The following BMPER variants were observed in gnomAD, a reference collection of about 807,000 sequenced individuals.
BMPER encodes the protein BMP binding endothelial regulator, also known as BMP-binding endothelial regulator protein.
Under a neutral mutation model 87.3 loss-of-function variants are expected in BMPER, and 45 were observed. The observed-to-expected ratio is 0.52, with a 90% CI of 0.41 to 0.66. BMPER has a LOEUF of 0.66. Ranked by LOEUF, BMPER falls within the 30% of genes least tolerant of loss-of-function variation. BMPER has a pLI of 0.00. For synonymous variants in BMPER, 326 were observed against 316.2 expected (o/e 1.03, Z -0.33); for missense variants, 784 against 867.5 (o/e 0.90, Z 1.21).
At chr7:33,969,310 A>C (rs1046864449) in intron 4 of BMPER, among the ~76,000 whole-genome samples, 12 of 152,258 alleles carry the variant, frequency 7.9e-5, no homozygotes, top group Non-Finnish European at 2.9e-5. Flanking sequence ...TTCAAAGGCC[A>C]ACTGTGAAAA....
intron 6 of BMPER, among the ~76,000 whole-genome samples, chr7:34,026,593 C>T (rs1157216352): frequency 2.6e-5 from 4 of 152,052 alleles, no homozygotes; most frequent in Admixed American, 2.6e-4. Flanking sequence ...GCGGGCTTCT[C>T]AGGGCCATCA....
Position 34,154,264 on chromosome 7 carries a change from T to C in BMPER, c.*991T>C, listed in dbSNP as rs969938751. On this transcript the variant is annotated 3_prime_UTR_variant, in exon 15 of 15. Transcript: ENST00000649409. ...CTATTTGGCGACTGTTAATATGTTA[T>C]AATTATTAGACAGTGGAAAAGCCTT... The C allele has an allele frequency of 2.6e-5, 4 of 152,502 alleles. No individual in the cohort carries two copies. Among genetic ancestry groups the C allele is most frequent in the Admixed American group, 6.5e-5 (1 of 15,304 alleles). 9.4% of individuals were successfully genotyped at this position (152,502 alleles called of 1,614,324 possible). A position where few individuals can be genotyped will look rare whatever the true frequency, so the allele number is the denominator to read the frequency against.
chr7:34,024,398 TATATATATATATATATATATATATATA>T (rs1787298899), intron 6 of BMPER, among the ~76,000 whole-genome samples: 1 of 14,270 alleles, frequency 7.0e-5, no homozygotes, highest in African/African-American at 3.3e-4. Context: ...TATATATATA[TATATATATATATATATATATATATATA>T]TATATATATG....
chr7:34,073,957 G>T (rs544913057), intron 11 of BMPER, among the ~76,000 whole-genome samples: 15 of 152,228 alleles, frequency 9.9e-5, no homozygotes, highest in Non-Finnish European at 1.6e-4. Context: ...CCCAGGTGAG[G>T]GGGGCCAGCA....
At chr7:33,997,616 C>T (rs1375532658) in intron 6 of BMPER, among the ~76,000 whole-genome samples, 2 of 152,190 alleles carry the variant, frequency 1.3e-5, no homozygotes, top group African/African-American at 4.8e-5. Flanking sequence ...CCTCTTTCCT[C>T]TATAAATTAC....
chr7:34,118,790 C>A (rs944057602), intron 13 of BMPER, among the ~76,000 whole-genome samples: 2 of 152,112 alleles, frequency 1.3e-5, no homozygotes, highest in African/African-American at 4.8e-5. Flanking sequence ...GGATAGGCCT[C>A]ATCCAATTGG....
chr7:34,021,864 T>C (rs1238080937), intron 6 of BMPER, among the ~76,000 whole-genome samples: 2 of 152,030 alleles, frequency 1.3e-5, no homozygotes, highest in African/African-American at 2.4e-5. Context: ...GAGTGCAACA[T>C]GATGCAAAAT....
At chr7:34,128,284 A>G (rs899695495) in intron 13 of BMPER, among the ~76,000 whole-genome samples, 1 of 152,056 alleles carries the variant, frequency 6.6e-6, no homozygotes, top group African/African-American at 2.4e-5. Context: ...CTCACTTCCT[A>G]TCCTCCATGC....
chr7:34,000,281 A>G (rs1020328753), intron 6 of BMPER, among the ~76,000 whole-genome samples: 1 of 152,134 alleles, frequency 6.6e-6, no homozygotes, highest in African/African-American at 2.4e-5. Context: ...TATTCATTCA[A>G]TGTTATAAAA....
intron 11 of BMPER, among the ~76,000 whole-genome samples, chr7:34,067,835 A>G (rs1249944043): frequency 6.6e-6 from 1 of 152,234 alleles, no homozygotes; most frequent in African/African-American, 2.4e-5. Context: ...TCTGTTTTAT[A>G]TGCTGTTCTG....
intron 6 of BMPER, among the ~76,000 whole-genome samples, chr7:34,038,558 A>G (rs1214910697): frequency 6.6e-6 from 1 of 152,182 alleles, no homozygotes; most frequent in Admixed American, 6.6e-5. Context: ...ATAAAATAAT[A>G]TAAACAATAA....
Position 34,062,002 on chromosome 7 carries a change from G to A in BMPER, c.1033G>A (p.Gly345Ser), listed in dbSNP as rs1788449953. ...TTGTATTTGTTTTTCTTCTGATTAG[G>A]GCAAAATTCTCAACAGAAAAGGATG... ...QCIPISSCPQ[G>S]KILNRKGCCP... Residue 345 changes from glycine to serine, a missense_variant and splice_region_variant, in exon 11 of 15, where the codon GGC (glycine) becomes AGC (serine). Gly to Ser is a moderately conservative substitution (Grantham distance 56, BLOSUM62 0). Transcript: ENST00000649409. 2 of 1,602,442 alleles carry A rather than the reference G, an allele frequency of 1.2e-6. No individual in the cohort carries two copies. The highest frequency in any genetic ancestry group is 1.4e-5 in the African/African-American group (1 of 73,962).
intron 6 of BMPER, among the ~76,000 whole-genome samples, chr7:34,004,754 G>A (rs1786681272): frequency 6.6e-6 from 1 of 152,120 alleles, no homozygotes; most frequent in Admixed American, 6.6e-5. Flanking sequence ...CTTTGCCAAA[G>A]GGCTCTGTAT....
chr7:33,915,110 C>T (rs942812245), intron 2 of BMPER, among the ~76,000 whole-genome samples: 3 of 152,132 alleles, frequency 2.0e-5, no homozygotes, highest in Non-Finnish European at 4.4e-5. Context: ...ATTTTCCAAA[C>T]TTTGACTTTA....
intron 13 of BMPER, among the ~76,000 whole-genome samples, chr7:34,140,242 C>T (rs1275910061): frequency 6.6e-6 from 1 of 152,226 alleles, no homozygotes; most frequent in African/African-American, 2.4e-5. Flanking sequence ...CTGAAAAACA[C>T]TCTGTGTAAA....
At chr7:34,088,909 G>A (rs924739122) in intron 13 of BMPER, among the ~76,000 whole-genome samples, 23 of 152,100 alleles carry the variant, frequency 1.5e-4, no homozygotes, top group Non-Finnish European at 2.6e-4. Flanking sequence ...TCTCTTTTGC[G>A]ACACTTCCTC....
Position 33,905,565 on chromosome 7 carries a change from A to C in BMPER, c.-49A>C. On this transcript the variant is annotated 5_prime_UTR_variant, in exon 1 of 15. Coordinates refer to ENST00000649409, the MANE Select transcript of BMPER (RefSeq NM_001365308.1). ...ACTGTGAGCTGCGGCAGCTGAGCAG[A>C]GGCGGCGGCGCGGGACCTGCAGTCG... The C allele has an allele frequency of 1.2e-6, 2 of 1,602,804 alleles. No individual in the cohort carries two copies. The highest frequency in any genetic ancestry group is 1.7e-6 in the Non-Finnish European group (2 of 1,178,640).
chr7:34,150,960 G>C (rs1194977712), intron 14 of BMPER, among the ~76,000 whole-genome samples: 1 of 152,156 alleles, frequency 6.6e-6, no homozygotes, highest in Non-Finnish European at 1.5e-5. Flanking sequence ...TATCAATCAA[G>C]GAACATCCAT....
intron 6 of BMPER, among the ~76,000 whole-genome samples, chr7:33,995,363 A>G (rs1048281533): frequency 2.0e-5 from 3 of 152,092 alleles, no homozygotes; most frequent in Admixed American, 2.0e-4. Flanking sequence ...CAGAAATACA[A>G]TTAGAAGTGG....
Sources: gnomAD v4.1 joint callset for allele counts (sites outside exome capture counted in the v4.1 genomes callset) on GRCh38, gnomAD v4.1.1 for gene constraint, MANE v1.5 for transcripts, NCBI Gene and HGNC (gene_info 2026-07-23, HGNC 2026-07-21) for gene names.